The following SGCD variants were observed in gnomAD, a reference collection of about 807,000 sequenced individuals.
SGCD encodes delta-sarcoglycan.
A neutral mutation model predicts 36.6 loss-of-function variants in SGCD; 18 were observed. The observed-to-expected ratio is 0.49, with a 90% CI of 0.34 to 0.73. The LOEUF is 0.73. Ranked by LOEUF, SGCD falls within the 30% of genes least tolerant of loss-of-function variation. The pLI, the probability that SGCD is intolerant of heterozygous loss-of-function variation, is 0.01. For missense variants in SGCD, 387 were observed against 346.7 expected (o/e 1.12, Z -0.92); for synonymous variants, 133 against 130.6 (o/e 1.02, Z -0.12).
the SGCD span, among the ~76,000 whole-genome samples, chr5:155,860,190 C>A: frequency 6.6e-6 from 1 of 152,132 alleles, no homozygotes; most frequent in African/African-American, 2.4e-5. Flanking sequence ...GGTAGAGATA[C>A]CTGAGGAAGA....
chr5:155,909,707 G>A (rs1756592293), intron 1 of SGCD, among the ~76,000 whole-genome samples: 1 of 152,120 alleles, frequency 6.6e-6, no homozygotes, highest in Non-Finnish European at 1.5e-5. Context: ...AATTGAGTGA[G>A]AGGCACATGA....
chr5:156,273,314 A>G (rs945710719), intron 3 of SGCD, among the ~76,000 whole-genome samples: 3 of 152,182 alleles, frequency 2.0e-5, no homozygotes, highest in African/African-American at 7.2e-5. Flanking sequence ...TTTTCATATA[A>G]AGAAGAAAGA....
intron 1 of SGCD, among the ~76,000 whole-genome samples, chr5:156,011,430 T>A (rs917717172): frequency 2.6e-4 from 40 of 151,776 alleles, no homozygotes; most frequent in African/African-American, 9.7e-4. Context: ...ACATGAGAAA[T>A]AATCTGCAGA....
In SGCD at chr5:156,269,689, C is replaced by T. The variant is rs144084020; in HGVS notation, c.-43-59845C>T. ...AAACCTTATCAGTTCCTTTGCATGT[C>T]CATTGCTCACTTTTAAATGGGATTG... is the stretch of plus-strand genomic sequence containing the variant. On this transcript the variant is annotated intron_variant, in intron 3 of 9. Transcript: ENST00000517913. Among the ~76,000 whole-genome samples, 71 of 152,030 alleles carry T rather than the reference C, an allele frequency of 4.7e-4. 1 individual carries two copies. In the East Asian group the frequency reaches 0.011, roughly 23 times the overall value.
intron 6 of SGCD, among the ~76,000 whole-genome samples, chr5:156,629,369 T>C (rs1472891495): frequency 6.6e-6 from 1 of 152,206 alleles, no homozygotes; most frequent in Non-Finnish European, 1.5e-5. Context: ...AATGAGTTCA[T>C]GCTTTGGAAG....
chr5:156,029,700 A>G (rs967821527), intron 1 of SGCD, among the ~76,000 whole-genome samples: 1 of 152,152 alleles, frequency 6.6e-6, no homozygotes, highest in East Asian at 1.9e-4. Context: ...AACAAAAAGA[A>G]CAAGTGATGG....
At chr5:156,182,893 G>A (rs531966862) in intron 3 of SGCD, among the ~76,000 whole-genome samples, 12 of 152,150 alleles carry the variant, frequency 7.9e-5, no homozygotes, top group South Asian at 2.1e-4. Flanking sequence ...TTTCTCTCTC[G>A]GCCATCACTG....
intron 3 of SGCD, among the ~76,000 whole-genome samples, chr5:156,287,625 CTT>C (rs1228403156): frequency 1.6e-5 from 2 of 122,266 alleles, no homozygotes; most frequent in African/African-American, 6.3e-5. Context: ...AGTTCCGTTT[CTT>C]TGTGTGTGTG....
intron 6 of SGCD, among the ~76,000 whole-genome samples, chr5:156,627,207 C>A (rs1211229541): frequency 1.3e-5 from 2 of 152,118 alleles, no homozygotes; most frequent in African/African-American, 4.8e-5. Context: ...GAGATGTTTC[C>A]ATTTGTCATG....
intron 3 of SGCD, among the ~76,000 whole-genome samples, chr5:156,295,588 G>A (rs1766872413): frequency 6.6e-6 from 1 of 152,138 alleles, no homozygotes; most frequent in African/African-American, 2.4e-5. Flanking sequence ...CATAGGAGAA[G>A]TGGTTATGAA....
At chr5:156,393,644 TAC>T (rs1233912933) in intron 3 of SGCD, 2 of 440,182 alleles carry the variant, frequency 4.5e-6, no homozygotes, top group Non-Finnish European at 9.2e-6. Context: ...TGAGAGTATT[TAC>T]ACCACAGAAA....
intron 1 of SGCD, among the ~76,000 whole-genome samples, chr5:156,030,348 G>C (rs1409176657): frequency 2.0e-5 from 3 of 152,142 alleles, no homozygotes; most frequent in Non-Finnish European, 2.9e-5. Flanking sequence ...ATCCAATAAT[G>C]GCTTAATAAT....
At chr5:156,711,662 T>C (rs1028177099) in intron 7 of SGCD, among the ~76,000 whole-genome samples, 2 of 152,178 alleles carry the variant, frequency 1.3e-5, no homozygotes, top group African/African-American at 4.8e-5. Context: ...AGTACAATTT[T>C]TGAAATCAGC....
chr5:156,683,998 T>C lies in SGCD; in HGVS notation c.575+36462T>C, dbSNP rs532777091. ...AAATTTTAACTCATATGTTCACTAG[T>C]TGATTGTCTCGTGTACAAAACTGTA... On this transcript the variant is annotated intron_variant, in intron 7 of 8. Coordinates refer to ENST00000337851, the MANE Select transcript of SGCD (RefSeq NM_000337.6). Among the ~76,000 whole-genome samples the C allele has an allele frequency of 1.8e-4, 27 of 152,306 alleles. 1 individual carries two copies. The South Asian group carries it at 4.3e-3, about 25-fold the overall frequency.
intron 1 of SGCD, among the ~76,000 whole-genome samples, chr5:155,966,659 C>T (rs1420979743): frequency 2.0e-5 from 3 of 152,062 alleles, no homozygotes; most frequent in African/African-American, 4.8e-5. Flanking sequence ...CTCTCTGAGC[C>T]TCATTTCTCC....
At chr5:156,529,270 C>T (rs1255161912) in intron 4 of SGCD, among the ~76,000 whole-genome samples, 1 of 151,754 alleles carries the variant, frequency 6.6e-6, no homozygotes, top group Non-Finnish European at 1.5e-5. Flanking sequence ...ACTAAAAATA[C>T]AAAAATTAGC....
At chr5:155,829,673 G>A in the SGCD span, among the ~76,000 whole-genome samples, 1 of 152,206 alleles carries the variant, frequency 6.6e-6, no homozygotes, top group Non-Finnish European at 1.5e-5. Flanking sequence ...GCAGGAAATA[G>A]AATAGAATCA....
chr5:156,620,979 A>C (rs889262028), intron 6 of SGCD, among the ~76,000 whole-genome samples: 1 of 152,220 alleles, frequency 6.6e-6, no homozygotes, highest in Non-Finnish European at 1.5e-5. Context: ...ATGTTGCAAG[A>C]ACTCTCATGG....
the SGCD span, among the ~76,000 whole-genome samples, chr5:155,729,163 T>G: frequency 6.6e-6 from 1 of 152,214 alleles, no homozygotes; most frequent in Non-Finnish European, 1.5e-5. Context: ...TCCCTCCATC[T>G]CTAAGCCAAG....
Sources: allele counts gnomAD v4.1 joint callset (sites outside exome capture counted in the v4.1 genomes callset), GRCh38; gene constraint gnomAD v4.1.1; transcripts MANE v1.5; gene names NCBI Gene and HGNC (gene_info 2026-07-23, HGNC 2026-07-21).